Variants in TAFA2 observed in about 807,000 individuals in gnomAD.
TAFA2 encodes chemokine-like protein TAFA-2.
In TAFA2, 7 loss-of-function variants were observed where a neutral mutation model predicts 18.8. The observed-to-expected ratio is 0.37, with a 90% CI of 0.21 to 0.70. TAFA2 has a LOEUF of 0.70. Ranked by LOEUF, TAFA2 falls within the 30% of genes least tolerant of loss-of-function variation. The probability of loss-of-function intolerance (pLI) is 0.53; values close to 1 mark genes in which losing one functional copy is unlikely to be tolerated. For missense variants in TAFA2, 122 were observed against 158.1 expected, an observed-to-expected ratio of 0.77 and a Z score of 1.23; for synonymous variants, 60 against 54.2, an observed-to-expected ratio of 1.11 and a Z score of -0.47.
intron 1 of TAFA2, among the ~76,000 whole-genome samples, chr12:62,245,542 G>A (rs1255648977): frequency 1.3e-5 from 2 of 149,824 alleles, no homozygotes; most frequent in East Asian, 3.9e-4. Flanking sequence ...ATATTGTTTA[G>A]TATGACTTAG....
rs529389860 is a variant in TAFA2, at chr12:61,976,692, C to T, written c.-1-109266G>A. ...TAATGCTATCCCTCTCCCTACCCCA[C>T]GACAGACCCTGGTGTGTGATGTTCC... On this transcript the variant is annotated intron_variant, in intron 1 of 4. Transcript: ENST00000416284. 7.0e-4 allele frequency among the ~76,000 whole-genome samples: 106 copies of T among 152,062 alleles called. 1 individual carries two copies. Among genetic ancestry groups the T allele is most frequent in the African/African-American group, 2.4e-3 (101 of 41,512 alleles).
intron 1 of TAFA2, among the ~76,000 whole-genome samples, chr12:61,907,707 T>C (rs1369713625): frequency 6.6e-6 from 1 of 151,970 alleles, no homozygotes; most frequent in African/African-American, 2.4e-5. Flanking sequence ...AGCATGCACC[T>C]GAAAAAGCTG....
chr12:61,824,879 T>A (rs182508452), intron 2 of TAFA2, among the ~76,000 whole-genome samples: 4 of 152,266 alleles, frequency 2.6e-5, no homozygotes, highest in Non-Finnish European at 4.4e-5. Flanking sequence ...AGAGTTTAAA[T>A]TGTTTGTAAT....
chr12:61,884,255 G>C (rs1436704813), intron 1 of TAFA2, among the ~76,000 whole-genome samples: 6 of 152,278 alleles, frequency 3.9e-5, no homozygotes, highest in African/African-American at 1.2e-4. Flanking sequence ...CGACATGGAA[G>C]TGTTTTCCCT....
At chr12:61,951,748 A>G (rs1330899752) in intron 1 of TAFA2, among the ~76,000 whole-genome samples, 2 of 152,148 alleles carry the variant, frequency 1.3e-5, no homozygotes, top group African/African-American at 4.8e-5. Flanking sequence ...TTAGGAAACC[A>G]GTACACAAAG....
At chr12:61,733,554 G>C (rs141197405) in intron 4 of TAFA2, among the ~76,000 whole-genome samples, 41,876 of 144,656 alleles carry the variant, frequency 0.29, 6,489 homozygotes, top group Non-Finnish European at 0.35. Context: ...GCTTGTTTTT[G>C]TCAGGTTTGT....
chr12:62,204,991 A>T (rs1379057153), intron 1 of TAFA2, among the ~76,000 whole-genome samples: 1 of 152,086 alleles, frequency 6.6e-6, no homozygotes. Flanking sequence ...GAGACTGCTC[A>T]CCTTTGGATG....
rs375693996 is a variant in TAFA2 at position 62,080,110 on chromosome 12, A to C, written c.-2+111149T>G. 6.6e-5 allele frequency among the ~76,000 whole-genome samples: 10 copies of C among 152,326 alleles called. No homozygotes were observed. In the South Asian group the frequency reaches 1.2e-3, roughly 19 times the overall value. ...GTTGTAGAACTGTGGTCCCCAATTCATCACTCTCTGTCAGCAGAGGCTGCT... is the reference window on the plus strand; with the variant it reads ...GTTGTAGAACTGTGGTCCCCAATTCCTCACTCTCTGTCAGCAGAGGCTGCT... On this transcript the variant is annotated intron_variant, in intron 1 of 4. Coordinates refer to ENST00000416284, the MANE Select transcript of TAFA2 (RefSeq NM_178539.5).
rs2062707677 is a variant in TAFA2, at chr12:62,210,161, G to A, written c.-130+48602C>T. Among the ~76,000 whole-genome samples the A allele has an allele frequency of 2.0e-5, 3 of 151,302 alleles. No homozygotes were observed. In the South Asian group the frequency reaches 6.3e-4, roughly 32 times the overall value. On this transcript the variant is annotated intron_variant, in intron 1 of 5. Coordinates refer to the TAFA2 transcript ENST00000551619. ...AGATCACGCCACTGCTCTCCAGCCT[G>A]GGTGACAGAGTGAGACTCTGTCTCT...
intron 1 of TAFA2, among the ~76,000 whole-genome samples, chr12:61,916,663 C>T (rs1876834251): frequency 6.6e-6 from 1 of 152,166 alleles, no homozygotes; most frequent in South Asian, 2.1e-4. Context: ...TAGTAACTCA[C>T]CTACCTTTGG....
At chr12:62,058,834 T>C (rs548704566) in intron 1 of TAFA2, among the ~76,000 whole-genome samples, 26 of 152,304 alleles carry the variant, frequency 1.7e-4, no homozygotes, top group African/African-American at 5.8e-4. Context: ...GCGGGTGCAA[T>C]GGCTCACGCC....
At chr12:62,235,232 C>A (rs1484443838) in intron 1 of TAFA2, 9 of 662,570 alleles carry the variant, frequency 1.4e-5, no homozygotes, top group Non-Finnish European at 2.0e-5. Context: ...TCACGCCATG[C>A]TCAGGCAGTG....
At chr12:61,712,782 A>T (rs1405511396) in intron 4 of TAFA2, among the ~76,000 whole-genome samples, 1 of 148,384 alleles carries the variant, frequency 6.7e-6, no homozygotes, top group African/African-American at 2.5e-5. Flanking sequence ...TTCTAATATT[A>T]GATGAAAGTA....
intron 1 of TAFA2, chr12:62,253,102 T>C (rs1315627074): frequency 6.6e-6 from 1 of 152,214 alleles, no homozygotes; most frequent in Non-Finnish European, 1.5e-5. Flanking sequence ...CAAATCACTG[T>C]TGGTAAGTGA....
intron 2 of TAFA2, among the ~76,000 whole-genome samples, chr12:61,844,451 T>A (rs1873318447): frequency 6.6e-6 from 1 of 152,072 alleles, no homozygotes. Context: ...CGAGAAAAGC[T>A]TTTCTACATA....
intron 1 of TAFA2, among the ~76,000 whole-genome samples, chr12:62,016,119 C>T (rs1048288800): frequency 3.3e-5 from 5 of 152,156 alleles, no homozygotes; most frequent in African/African-American, 7.2e-5. Flanking sequence ...ATATTTCAAA[C>T]AATGTAGTAG....
At chr12:61,839,091 C>T (rs1055764614) in intron 2 of TAFA2, among the ~76,000 whole-genome samples, 2 of 152,064 alleles carry the variant, frequency 1.3e-5, no homozygotes, top group African/African-American at 2.4e-5. Context: ...TAAAACTTGG[C>T]TATGCCTCTG....
intron 1 of TAFA2, among the ~76,000 whole-genome samples, chr12:62,108,146 C>A (rs28714406): frequency 6.6e-6 from 1 of 151,946 alleles, no homozygotes; most frequent in African/African-American, 2.4e-5. Flanking sequence ...TAGTCCCCCA[C>A]CCCCCAACAG....
At chr12:61,799,261 T>A (rs1188011320) in intron 2 of TAFA2, among the ~76,000 whole-genome samples, 1 of 152,212 alleles carries the variant, frequency 6.6e-6, no homozygotes, top group East Asian at 1.9e-4. Flanking sequence ...GTGCTGTTTA[T>A]AGTTCACTTC....
Sources: gnomAD v4.1 joint callset for allele counts (sites outside exome capture counted in the v4.1 genomes callset) on GRCh38, gnomAD v4.1.1 for gene constraint, MANE v1.5 for transcripts, NCBI Gene and HGNC (gene_info 2026-07-23, HGNC 2026-07-21) for gene names.